Variants in NEDD4L observed in about 807,000 individuals in gnomAD.
The protein encoded by NEDD4L is NEDD4 like E3 ubiquitin protein ligase, also known as E3 ubiquitin-protein ligase NEDD4-like.
Under a neutral mutation model 148.9 loss-of-function variants are expected in NEDD4L, and 54 were observed. The ratio of observed to expected loss-of-function variants is 0.36; its 90% CI spans 0.29 to 0.45. NEDD4L has a LOEUF of 0.45. Among genes scored for constraint, NEDD4L ranks in the 20% least tolerant of loss-of-function variants. The pLI is 1.00. For synonymous variants in NEDD4L, 433 were observed against 440.7 expected (o/e 0.98, Z 0.22); for missense variants, 856 against 1,233.8 (o/e 0.69, Z 4.59).
chr18:58,066,613 C>T (rs556290960), intron 1 of NEDD4L, among the ~76,000 whole-genome samples: 15 of 152,006 alleles, frequency 9.9e-5, no homozygotes, highest in African/African-American at 3.4e-4. Flanking sequence ...CCATCGCGCC[C>T]GGCCAAGTCC....
chr18:58,323,199 C>A, intron 7 of NEDD4L, 33 bp from the exon 8 acceptor site: 1 of 1,331,328 alleles, frequency 7.5e-7, no homozygotes, highest in Non-Finnish European at 1.1e-6. Flanking sequence ...AGTCACAACC[C>A]TTCTAACCAA....
chr18:58,067,986 G>C (rs532926695), intron 1 of NEDD4L, among the ~76,000 whole-genome samples: 1 of 152,076 alleles, frequency 6.6e-6, no homozygotes, highest in Non-Finnish European at 1.5e-5. Flanking sequence ...TTGAGATAAG[G>C]TCTCCCTCTG....
intron 1 of NEDD4L, among the ~76,000 whole-genome samples, chr18:58,130,717 G>C (rs2145954649): frequency 7.0e-6 from 1 of 141,984 alleles, no homozygotes. Context: ...TGATCTAGTG[G>C]AACTGTGGCA....
At chr18:58,255,001 A>G (rs567868361) in intron 5 of NEDD4L, among the ~76,000 whole-genome samples, 2 of 152,354 alleles carry the variant, frequency 1.3e-5, no homozygotes, top group East Asian at 3.9e-4. Context: ...GAAACATGGT[A>G]TCCGATGCTT....
chr18:58,275,900 G>A (rs150611369), intron 5 of NEDD4L, among the ~76,000 whole-genome samples: 25 of 152,274 alleles, frequency 1.6e-4, no homozygotes, highest in African/African-American at 6.0e-4. Flanking sequence ...GAGCATTGAA[G>A]GTAGGGAGCA....
At chr18:58,313,587 C>T (rs1265686856) in intron 5 of NEDD4L, among the ~76,000 whole-genome samples, 1 of 152,236 alleles carries the variant, frequency 6.6e-6, no homozygotes, top group African/African-American at 2.4e-5. Context: ...GTTAAGGGCA[C>T]AGGCTGATGG....
intron 5 of NEDD4L, among the ~76,000 whole-genome samples, chr18:58,264,398 T>G (rs756019353): frequency 9.9e-5 from 15 of 152,066 alleles, no homozygotes; most frequent in Non-Finnish European, 2.1e-4. Flanking sequence ...AAATGTTAGA[T>G]TCACAGATTT....
rs893752624 is a variant in NEDD4L at position 58,284,786 on chromosome 18, C to G, written c.298-31196C>G. On this transcript the variant is annotated intron_variant, in intron 5 of 30. Coordinates refer to ENST00000400345, the MANE Select transcript of NEDD4L (RefSeq NM_001144967.3). ...GTTTGATTATAAACCCATTTTTACA[C>G]CATGGCCATAGAGAATGGTGCCGTG... is the stretch of plus-strand genomic sequence containing the variant. 5.9e-5 allele frequency among the ~76,000 whole-genome samples: 9 copies of G among 152,186 alleles called. No individual in the cohort carries two copies. In the East Asian group the frequency reaches 1.7e-3, roughly 29 times the overall value.
intron 5 of NEDD4L, among the ~76,000 whole-genome samples, chr18:58,280,569 C>T (rs370282874): frequency 6.6e-6 from 1 of 152,236 alleles, no homozygotes; most frequent in South Asian, 2.1e-4. Context: ...GTAGACTTGT[C>T]GGTTGTGCAG....
In NEDD4L at chr18:58,373,892, C is replaced by T. The variant is rs149977213; in HGVS notation, c.2352+623C>T. 5.9e-5 allele frequency among the ~76,000 whole-genome samples: 9 copies of T among 152,246 alleles called. No homozygotes were observed. In the East Asian group the frequency reaches 7.7e-4, roughly 13 times the overall value. On this transcript the variant is annotated intron_variant, in intron 24 of 30. Coordinates refer to ENST00000400345, the MANE Select transcript of NEDD4L (RefSeq NM_001144967.3). ...ATTCTCATCATGCTAAGGATCTATG[C>T]GATGTATTTGTCTCAATTCTGAAGC...
chr18:58,305,127 C>T (rs1474972502), intron 5 of NEDD4L, among the ~76,000 whole-genome samples: 1 of 152,188 alleles, frequency 6.6e-6, no homozygotes, highest in Non-Finnish European at 1.5e-5. Flanking sequence ...TAAATGGGCC[C>T]AGCGATTTCT....
chr18:58,148,718 T>C (rs191133813), intron 1 of NEDD4L, among the ~76,000 whole-genome samples: 1 of 152,386 alleles, frequency 6.6e-6, no homozygotes, highest in Non-Finnish European at 1.5e-5. Context: ...TTCAAGTTTC[T>C]GTCTCCAAAT....
At chr18:58,347,880 C>T (rs1480959015) in intron 16 of NEDD4L, among the ~76,000 whole-genome samples, 2 of 151,966 alleles carry the variant, frequency 1.3e-5, no homozygotes, top group African/African-American at 4.8e-5. Flanking sequence ...GCAGCAAAGG[C>T]CCTATTATAA....
chr18:58,245,039 A>T (rs1374180497), intron 2 of NEDD4L, among the ~76,000 whole-genome samples: 1 of 152,196 alleles, frequency 6.6e-6, no homozygotes, highest in Non-Finnish European at 1.5e-5. Flanking sequence ...GTTGGGTCAC[A>T]TGAACAATGG....
intron 9 of NEDD4L, 27 bp downstream of exon 9, chr18:58,325,189 A>AT (rs2059201409): frequency 6.2e-7 from 1 of 1,611,386 alleles, no homozygotes; most frequent in Non-Finnish European, 8.5e-7. Flanking sequence ...GGTCAGGAAC[A>AT]CGTGCACGTG....
intron 5 of NEDD4L, among the ~76,000 whole-genome samples, chr18:58,266,414 A>C (rs1029511035): frequency 6.6e-6 from 1 of 152,096 alleles, no homozygotes; most frequent in Non-Finnish European, 1.5e-5. Context: ...GAAACACCAG[A>C]TGTTTTTCTT....
chr18:58,307,854 T>G (rs1241452454), intron 5 of NEDD4L, among the ~76,000 whole-genome samples: 1 of 152,206 alleles, frequency 6.6e-6, no homozygotes, highest in African/African-American at 2.4e-5. Flanking sequence ...TGTCATTCAA[T>G]ATTTCAGATT....
rs542850548 is a variant in NEDD4L, at chr18:58,216,183, A to G, written c.123-29244A>G. Among the ~76,000 whole-genome samples the G allele has an allele frequency of 5.3e-5, 8 of 152,234 alleles. No homozygotes were observed. The East Asian group carries it at 1.4e-3, about 26-fold the overall frequency. On this transcript the variant is annotated intron_variant, in intron 2 of 30. Coordinates refer to ENST00000400345, the MANE Select transcript of NEDD4L (RefSeq NM_001144967.3). ...TCAGCAGAGAAGAGAGCAGCCCTGAAGATTTGGGGGAGGAGTGTTCGTAGA... is the reference window on the plus strand; with the variant it reads ...TCAGCAGAGAAGAGAGCAGCCCTGAGGATTTGGGGGAGGAGTGTTCGTAGA...
chr18:58,261,413 C>A (rs2049361702), intron 5 of NEDD4L, among the ~76,000 whole-genome samples: 2 of 152,094 alleles, frequency 1.3e-5, no homozygotes, highest in Admixed American at 1.3e-4. Flanking sequence ...AGTGTTATAT[C>A]TACAAAATTT....
Sources: gnomAD v4.1 joint callset for allele counts (sites outside exome capture counted in the v4.1 genomes callset) on GRCh38, gnomAD v4.1.1 for gene constraint, MANE v1.5 for transcripts, NCBI Gene and HGNC (gene_info 2026-07-23, HGNC 2026-07-21) for gene names.